The following RRP9 variants were observed in gnomAD, a reference collection of about 807,000 sequenced individuals.
RRP9 encodes ribosomal RNA processing 9, U3 small nucleolar RNA binding protein.
In RRP9, 35 loss-of-function variants were observed where a neutral mutation model predicts 65.5. The observed-to-expected ratio is 0.53, with a 90% CI of 0.41 to 0.71. RRP9 has a LOEUF of 0.71. Among genes scored for constraint, RRP9 ranks in the 30% least tolerant of loss-of-function variants. RRP9 has a pLI of 0.00. For missense variants in RRP9, 533 were observed against 633.6 expected, an observed-to-expected ratio of 0.84 and a Z score of 1.70; for synonymous variants, 254 against 245.0, an observed-to-expected ratio of 1.04 and a Z score of -0.34.
At chr3:51,941,559 C>CA (rs1699532133) in intron 1 of RRP9, 68 bp from the exon 2 acceptor site, 1 of 1,432,542 alleles carries the variant, frequency 7.0e-7, no homozygotes, top group African/African-American at 1.4e-5. Flanking sequence ...AAGGGCCCCC[C>CA]CCCCTCGGTT....
In RRP9 at chr3:51,937,701, C is replaced by G; in HGVS notation, c.316G>C (p.Asp106His). 6.2e-7 allele frequency: 1 copy of G among 1,614,178 alleles called. No homozygotes were observed. The highest frequency in any genetic ancestry group is 8.5e-7 in the Non-Finnish European group (1 of 1,180,036). Reference protein sequence around the residue: ...EKAEARAFEEDQVAGRLKEDV... With the variant: ...EKAEARAFEEHQVAGRLKEDV... ...TCCTTCAGGCGCCCCGCCACCTGGTCCTCCTCAAATGCACGGGCCTCAGCC... is the reference window on the plus strand; with the variant it reads ...TCCTTCAGGCGCCCCGCCACCTGGTGCTCCTCAAATGCACGGGCCTCAGCC... Residue 106 changes from aspartate (D) to histidine (H), a missense_variant, in exon 4 of 15, where the codon GAC becomes CAC. This residue lies in a region of RRP9 where 449 missense variants were observed against 550.6 expected (regional missense o/e 0.82). Transcript: ENST00000232888. The surrounding 1 kb of genome is among the most constrained non-coding windows in gnomAD (Gnocchi z 5.0).
In RRP9 at chr3:51,941,830, G is replaced by T. The variant is rs4687604; in HGVS notation, c.38C>A (p.Pro13Gln). The T allele has an allele frequency of 6.3e-7, 1 of 1,582,768 alleles. No homozygotes were observed. The change falls in exon 1 of 15, where the codon CCG becomes CAG. Residue 13 changes from proline to glutamine, a missense_variant. Around this residue, in one of 3 missense-constraint regions of RRP9, gnomAD observed 77 missense variants for 60.5 expected, o/e 1.27. Coordinates refer to ENST00000232888, the MANE Select transcript of RRP9 (RefSeq NM_004704.5). ...ATAAARKRGK[P>Q]ASGAGAGAGA... ...CGCGCCAGCCCCGGCCCCAGAGGCC[G>T]GCTTTCCCCGCTTACGAGCAGCCGC...
At position 51,937,224 on chromosome 3, in the gene RRP9, A is replaced by C; in HGVS notation, c.485T>G (p.Phe162Cys). Reference protein sequence around the residue: ...LVVTPDDSAIFSAAKDCSIIK... With the variant: ...LVVTPDDSAICSAAKDCSIIK... ...GATGCTGCAGTCTTTGGCAGCAGAG[A>C]AGATGGCTGAGTCATCGGGGGTGAC... Residue 162 changes from phenylalanine (F) to cysteine (C), a missense_variant, in exon 6 of 15, where the codon TTC (phenylalanine) becomes TGC (cysteine). Phe to Cys is a radical substitution (Grantham distance 205). Around this residue, in one of 3 missense-constraint regions of RRP9, gnomAD observed 449 missense variants for 550.6 expected, o/e 0.82. Transcript: ENST00000232888. This position sits in a 1 kb window ranked among gnomAD's most constrained non-coding sequence, Gnocchi z 5.0. The C allele has an allele frequency of 6.2e-7, 1 of 1,613,940 alleles. No individual in the cohort carries two copies. Among genetic ancestry groups the C allele is most frequent in the Non-Finnish European group, 8.5e-7 (1 of 1,179,924 alleles).
rs376449777 is a variant in RRP9 at position 51,937,288 on chromosome 3, C to T, written c.421G>A (p.Val141Ile). 143 of 1,614,176 alleles carry T rather than the reference C, an allele frequency of 8.9e-5. No individual in the cohort carries two copies. The highest frequency in any genetic ancestry group is 1.7e-4 in the Middle Eastern group (1 of 6,054). ...IQAPASADIR[V>I]LRGHQLSITC... ...ATAGAGAGCTGGTGCCCCCGTAAAA[C>T]GCGAATGTCAGCTGAGGCTGGGGCC... The change falls in exon 6 of 15, where the codon GTT (valine) becomes ATT (isoleucine). Residue 141 changes from valine (V) to isoleucine (I), a missense_variant. Physicochemically the swap from Val to Ile is conservative, Grantham distance 29 (BLOSUM62 3). Around this residue, in one of 3 missense-constraint regions of RRP9, gnomAD observed 449 missense variants for 550.6 expected, o/e 0.82. Transcript: ENST00000232888. The surrounding 1 kb of genome is among the most constrained non-coding windows in gnomAD (Gnocchi z 5.0).
chr3:51,933,460 G>A lies in RRP9; in HGVS notation c.*46C>T, dbSNP rs369823215. Reference sequence around the variant, plus strand: ...AAGAGGAGGCTTTTAATACAAAGAGGGTGGGGCATAGCCTGGGAAGGACTT... The same window carrying A: ...AAGAGGAGGCTTTTAATACAAAGAGAGTGGGGCATAGCCTGGGAAGGACTT... On this transcript the variant is annotated 3_prime_UTR_variant, in exon 15 of 15. Transcript: ENST00000232888. 40 of 1,497,018 alleles carry A rather than the reference G, an allele frequency of 2.7e-5. No homozygotes were observed. Among genetic ancestry groups the A allele is most frequent in the African/African-American group, 2.6e-4 (19 of 72,390 alleles). The allele number at this position is 1,497,018 out of a possible 1,614,324, so 92.7% of individuals were successfully genotyped here. A position where few individuals can be genotyped will look rare whatever the true frequency, so the allele number is the denominator to read the frequency against.
In RRP9 at chr3:51,941,896, G is replaced by A. The variant is rs1187259788; in HGVS notation, c.-29C>T. 6.5e-7 allele frequency: 1 copy of A among 1,545,002 alleles called. No individual in the cohort carries two copies. Among genetic ancestry groups the A allele is most frequent in the Non-Finnish European group, 8.7e-7 (1 of 1,149,034 alleles). On this transcript the variant is annotated 5_prime_UTR_variant, in exon 1 of 15. Coordinates refer to ENST00000232888, the MANE Select transcript of RRP9 (RefSeq NM_004704.5). ...GCCCACCAGGCGTGTAGCAGCGGCC[G>A]CAGAACTCACGTGGCAGCTGAACCC...
Position 51,935,447 on chromosome 3 carries a change from A to G in RRP9, c.866T>C (p.Leu289Pro), listed in dbSNP as rs1219364846. 1 of 1,614,162 alleles carries G rather than the reference A, an allele frequency of 6.2e-7. No individual in the cohort carries two copies. Among genetic ancestry groups the G allele is most frequent in the Non-Finnish European group, 8.5e-7 (1 of 1,180,028 alleles). ...ACAGCACTCCCGGCTCAAGGCATCC[A>G]GTGCAGCCACAGCGTCCTGGTGTCC... Reference protein sequence around the residue: ...LFGHQDAVAALDALSRECCVT... With the variant: ...LFGHQDAVAAPDALSRECCVT... Residue 289 changes from leucine to proline, a missense_variant, in exon 10 of 15, where the codon CTG becomes CCG. Transcript: ENST00000232888.
chr3:51,941,561 C>CT (rs374223234), intron 1 of RRP9, 70 bp from the exon 2 acceptor site: 204 of 1,388,588 alleles, frequency 1.5e-4, no homozygotes, highest in Middle Eastern at 5.4e-4. Context: ...GGGCCCCCCC[C>CT]CCTCGGTTCC....
In RRP9 at chr3:51,935,000, G is replaced by A. The variant is rs1390492703; in HGVS notation, c.1034+197C>T. Reference sequence around the variant, plus strand: ...TTAATTCTAAAAAAAAAGAAAAAAGGCCACATGACAGGAAGGGATCAAGGG... The same window carrying A: ...TTAATTCTAAAAAAAAAGAAAAAAGACCACATGACAGGAAGGGATCAAGGG... On this transcript the variant is annotated intron_variant, in intron 11 of 14. Coordinates refer to ENST00000232888, the MANE Select transcript of RRP9 (RefSeq NM_004704.5). The surrounding 1 kb of genome is among the most constrained non-coding windows in gnomAD (Gnocchi z 4.1). Among the ~76,000 whole-genome samples, 1 of 151,836 alleles carries A rather than the reference G, an allele frequency of 6.6e-6. No individual in the cohort carries two copies. Among genetic ancestry groups the A allele is most frequent in the Non-Finnish European group, 1.5e-5 (1 of 67,934 alleles).
chr3:51,936,733 G>T (rs1699463893), intron 6 of RRP9, among the ~76,000 whole-genome samples, 178 bp from the exon 7 acceptor site: 1 of 152,232 alleles, frequency 6.6e-6, no homozygotes, highest in South Asian at 2.1e-4. Context: ...CATCTATGAA[G>T]AGGGACATTA....
Position 51,936,454 on chromosome 3 carries a change from T to C in RRP9, c.619A>G (p.Ile207Val). ...GHSSHVLCMA[I>V]SSDGKYLASG... Reference sequence around the variant, plus strand: ...ACAAGGTACTTGCCGTCGGAGGAGATGGCCATGCAGAGGACGTGGCTGCTG... The same window carrying C: ...ACAAGGTACTTGCCGTCGGAGGAGACGGCCATGCAGAGGACGTGGCTGCTG... The change falls in exon 7 of 15, where the codon ATC (isoleucine) becomes GTC (valine). Residue 207 changes from isoleucine (I) to valine (V), a missense_variant. Transcript: ENST00000232888. 6.2e-7 allele frequency: 1 copy of C among 1,614,188 alleles called. No individual in the cohort carries two copies. Among genetic ancestry groups the C allele is most frequent in the South Asian group, 1.1e-5 (1 of 91,086 alleles).
chr3:51,938,000 G>A lies in RRP9; in HGVS notation c.280+95C>T. The A allele has an allele frequency of 8.9e-7, 1 of 1,122,824 alleles. No individual in the cohort carries two copies. Among genetic ancestry groups the A allele is most frequent in the Non-Finnish European group, 1.3e-6 (1 of 785,582 alleles). 69.6% of individuals were successfully genotyped at this position (1,122,824 alleles called of 1,614,324 possible). A position where few individuals can be genotyped will look rare whatever the true frequency, so the allele number is the denominator to read the frequency against. On this transcript the variant is annotated intron_variant, in intron 3 of 14. Coordinates refer to ENST00000232888, the MANE Select transcript of RRP9 (RefSeq NM_004704.5). The surrounding 1 kb of genome is among the most constrained non-coding windows in gnomAD (Gnocchi z 5.0). ...GCCTGGGCACCCACTGGGAATCCAT[G>A]TCAGTCACCCATCAAGTGGCTGGGG...
rs996350134 is a variant in RRP9 at position 51,934,648 on chromosome 3, G to GTGTT, written c.1159_1162dup (p.Thr388LysfsTer27). 1 of 1,614,092 alleles carries GTGTT rather than the reference G, an allele frequency of 6.2e-7. No homozygotes were observed. The highest frequency in any genetic ancestry group is 8.5e-7 in the Non-Finnish European group (1 of 1,180,016). ...GCACCCACCTGTGGCCACAAGGTCT[G>GTGTT]TGTTGAGGAGGGCTGCCACCGACGA... On this transcript the variant is annotated frameshift_variant, in exon 12 of 15. Coordinates refer to ENST00000232888, the MANE Select transcript of RRP9 (RefSeq NM_004704.5). LOFTEE classifies it high-confidence loss of function. This position sits in a 1 kb window ranked among gnomAD's most constrained non-coding sequence, Gnocchi z 4.1.
rs1699444077 is a variant in RRP9, at chr3:51,935,324, C to T, written c.971+18G>A. 1.2e-6 allele frequency: 2 copies of T among 1,614,180 alleles called. No individual in the cohort carries two copies. The highest frequency in any genetic ancestry group is 1.6e-4 in the Middle Eastern group (1 of 6,062). On this transcript the variant is annotated intron_variant, in intron 10 of 14. Transcript: ENST00000232888. Reference sequence around the variant, plus strand: ...CCCCAGCCCATGTAGCCCCCACTGGCATGGCAGGCCACCTTACTGGTGGCC... The same window carrying T: ...CCCCAGCCCATGTAGCCCCCACTGGTATGGCAGGCCACCTTACTGGTGGCC...
intron 1 of RRP9, 54 bp from the exon 2 acceptor site, chr3:51,941,545 G>A: frequency 6.6e-7 from 1 of 1,509,332 alleles, no homozygotes; most frequent in Non-Finnish European, 9.2e-7. Context: ...CCCTGGCATT[G>A]ACCAAGGGCC....
intron 8 of RRP9, 48 bp from the exon 9 acceptor site, chr3:51,935,740 C>A: frequency 1.3e-6 from 2 of 1,503,866 alleles, no homozygotes; most frequent in Non-Finnish European, 9.3e-7. Context: ...CTACAGCAGG[C>A]GAGAGACAGG....
Position 51,941,895 on chromosome 3 carries a change from C to G in RRP9, c.-28G>C. On this transcript the variant is annotated 5_prime_UTR_variant, in exon 1 of 15. Transcript: ENST00000232888. ...TGCCCACCAGGCGTGTAGCAGCGGC[C>G]GCAGAACTCACGTGGCAGCTGAACC... 1 of 1,548,824 alleles carries G rather than the reference C, an allele frequency of 6.5e-7. No individual in the cohort carries two copies. The highest frequency in any genetic ancestry group is 2.4e-5 in the East Asian group (1 of 41,868).
At chr3:51,933,807 A>C in intron 13 of RRP9, 26 bp from the exon 14 acceptor site, 1 of 1,609,810 alleles carries the variant, frequency 6.2e-7, no homozygotes, top group South Asian at 1.1e-5. Context: ...ACACGGAAAG[A>C]CATTAGAACG....
chr3:51,935,139 G>T, intron 11 of RRP9, 58 bp downstream of exon 11: 1 of 1,592,134 alleles, frequency 6.3e-7, no homozygotes, highest in South Asian at 1.1e-5. Context: ...AGGGCCCCGT[G>T]GACAGCCAGC....
Sources: gnomAD v4.1 joint callset for allele counts (sites outside exome capture counted in the v4.1 genomes callset) on GRCh38, gnomAD v4.1.1 for gene constraint, gnomAD v4.1.1 regional missense constraint, Gnocchi (gnomAD v3.1) non-coding constraint, MANE v1.5 for transcripts, NCBI Gene and HGNC (gene_info 2026-07-23, HGNC 2026-07-21) for gene names.